CYS1: variants seen among roughly 807,000 people sequenced by gnomAD.
CYS1 encodes cystin 1.
In CYS1, 5 loss-of-function variants were observed where a neutral mutation model predicts 9.6. That is an observed-to-expected ratio of 0.52 (90% CI 0.27 to 1.10). The LOEUF (loss-of-function observed/expected upper bound fraction) is 1.10. Among genes scored for constraint, CYS1 ranks in the 50% least tolerant of loss-of-function variants. CYS1 has a pLI of 0.11. For missense variants in CYS1, 221 were observed against 207.9 expected (o/e 1.06, Z -0.39); for synonymous variants, 88 against 95.7 (o/e 0.92, Z 0.47).
At chr2:10,061,946 A>T (rs1211130320) in intron 2 of CYS1, among the ~76,000 whole-genome samples, 1 of 152,218 alleles carries the variant, frequency 6.6e-6, no homozygotes, top group Non-Finnish European at 1.5e-5. Flanking sequence ...GGAGTCAAGA[A>T]ATGAATTTTT....
intron 1 of CYS1, among the ~76,000 whole-genome samples, chr2:10,066,166 C>T (rs976382354): frequency 6.6e-6 from 1 of 152,222 alleles, no homozygotes; most frequent in Admixed American, 6.5e-5. Flanking sequence ...ACTTGGAAAG[C>T]TCACACACAG....
At chr2:10,075,582 G>T (rs960144294) in intron 1 of CYS1, among the ~76,000 whole-genome samples, 1 of 152,092 alleles carries the variant, frequency 6.6e-6, no homozygotes. Context: ...GTGCTGTCCC[G>T]CCAGGCACTC....
intron 1 of CYS1, among the ~76,000 whole-genome samples, chr2:10,078,716 G>A (rs79282583): frequency 0.099 from 15,056 of 152,070 alleles, 784 homozygotes; most frequent in Middle Eastern, 0.18. Context: ...TTCCCCCATC[G>A]AGCTGCAGAC....
chr2:10,066,048 C>T (rs1232118724), intron 1 of CYS1, 92 bp from the exon 2 acceptor site: 47 of 1,386,120 alleles, frequency 3.4e-5, no homozygotes, highest in Non-Finnish European at 4.7e-5. Flanking sequence ...CGATGGCCAC[C>T]ACTTTCAACC....
At chr2:10,078,734 A>C (rs1357400457) in intron 1 of CYS1, among the ~76,000 whole-genome samples, 1 of 152,184 alleles carries the variant, frequency 6.6e-6, no homozygotes, top group African/African-American at 2.4e-5. Context: ...GACTTCTTTA[A>C]GGCAAGGGCT....
At chr2:10,064,163 C>T (rs116670679) in intron 2 of CYS1, among the ~76,000 whole-genome samples, 3,184 of 152,002 alleles carry the variant, frequency 0.021, 122 homozygotes, top group African/African-American at 0.074. Context: ...GTGGAGACTG[C>T]GGTGAGCCGA....
chr2:10,069,575 G>A (rs578151198), intron 1 of CYS1, among the ~76,000 whole-genome samples: 2 of 152,202 alleles, frequency 1.3e-5, no homozygotes, highest in South Asian at 2.1e-4. Flanking sequence ...CACCATGTTG[G>A]CCAGGATGGT....
chr2:10,074,850 G>C (rs1661820789), intron 1 of CYS1, among the ~76,000 whole-genome samples: 1 of 152,200 alleles, frequency 6.6e-6, no homozygotes, highest in South Asian at 2.1e-4. Flanking sequence ...GGTCGCTCAT[G>C]CCTATAATCC....
intron 2 of CYS1, among the ~76,000 whole-genome samples, chr2:10,061,397 G>A (rs1000746816): frequency 1.3e-5 from 2 of 152,162 alleles, no homozygotes; most frequent in Admixed American, 1.3e-4. Context: ...AAATGGGCAC[G>A]GGACGCCCAG....
chr2:10,062,244 A>C lies in CYS1; in HGVS notation c.372-3286T>G, dbSNP rs116791912. Among the ~76,000 whole-genome samples, 970 of 152,256 alleles carry C rather than the reference A, an allele frequency of 6.4e-3. 6 individuals carry two copies. The highest frequency in any genetic ancestry group is 0.01 in the Non-Finnish European group (697 of 68,006). The stretch of plus-strand genomic sequence containing the variant: ...CTGAAAGTCACAAATTTCTTAAAAG[A>C]AAAAGACCTTTCCAAGGAAAATCAC... On this transcript the variant is annotated intron_variant, in intron 2 of 2. Transcript: ENST00000381813.
intron 1 of CYS1, among the ~76,000 whole-genome samples, chr2:10,067,016 T>C (rs936577528): frequency 4.6e-5 from 7 of 152,160 alleles, no homozygotes; most frequent in Admixed American, 2.0e-4. Context: ...CTCTTTTTAT[T>C]TTATTTATTT....
rs1661849465 is a variant in CYS1, at chr2:10,076,760, C to G, written c.318+3146G>C. On this transcript the variant is annotated intron_variant, in intron 1 of 2. Coordinates refer to ENST00000381813, the MANE Select transcript of CYS1 (RefSeq NM_001037160.3). This position sits in a 1 kb window ranked among gnomAD's most constrained non-coding sequence, Gnocchi z 4.3. ...CATACACGAAGCTCCCAGGACAGAG[C>G]CCGGTGCCCATCCATGCTTCCTAAG... 6.6e-6 allele frequency among the ~76,000 whole-genome samples: 1 copy of G among 152,166 alleles called. No homozygotes were observed. Among genetic ancestry groups the G allele is most frequent in the South Asian group, 2.1e-4 (1 of 4,824 alleles).
intron 1 of CYS1, among the ~76,000 whole-genome samples, chr2:10,074,892 ACT>A (rs1661821315): frequency 6.6e-6 from 1 of 152,206 alleles, no homozygotes; most frequent in African/African-American, 2.4e-5. Flanking sequence ...CGGATGGATC[ACT>A]TGAGGTCAGA....
chr2:10,079,988 G>T lies in CYS1; in HGVS notation c.236C>A (p.Ala79Asp), dbSNP rs935181924. The T allele has an allele frequency of 1.0e-5, 11 of 1,097,148 alleles. No homozygotes were observed. The African/African-American group carries it at 1.5e-4, about 15-fold the overall frequency. 68.0% of individuals were successfully genotyped at this position (1,097,148 alleles called of 1,614,324 possible). Residue 79 changes from alanine (A) to aspartate (D), a missense_variant, in exon 1 of 3, where the codon GCC (alanine) becomes GAC (aspartate). Coordinates refer to ENST00000381813, the MANE Select transcript of CYS1 (RefSeq NM_001037160.3). Reference protein sequence around the residue: ...ETLRLLDELLAESAAWGPPEP... With the variant: ...ETLRLLDELLDESAAWGPPEP... ...CGGGGGGCCCCAGGCCGCCGACTCG[G>T]CCAGCAGCTCGTCCAGCAGGCGCAG...
rs768133821 is a variant in CYS1, at chr2:10,058,431, G to A, written c.*422C>T. On this transcript the variant is annotated 3_prime_UTR_variant, in exon 3 of 3. Transcript: ENST00000381813. Reference sequence around the variant, plus strand: ...GGGCCCGAGACTGAGGGAGCAGCGCGGGTGCACCTTCCACAGCAGAACCTT... The same window carrying A: ...GGGCCCGAGACTGAGGGAGCAGCGCAGGTGCACCTTCCACAGCAGAACCTT... The A allele has an allele frequency of 6.1e-5, 10 of 163,312 alleles. No individual in the cohort carries two copies. Among genetic ancestry groups the A allele is most frequent in the Non-Finnish European group, 1.2e-4 (9 of 75,046 alleles). The allele number at this position is 163,312 out of a possible 1,614,324, so 10.1% of individuals were successfully genotyped here.
At chr2:10,073,892 G>A (rs1661809349) in intron 1 of CYS1, among the ~76,000 whole-genome samples, 1 of 152,182 alleles carries the variant, frequency 6.6e-6, no homozygotes, top group Non-Finnish European at 1.5e-5. Context: ...CCCTGACCGT[G>A]ATGCAACCAG....
intron 2 of CYS1, 105 bp downstream of exon 2, chr2:10,065,799 G>T (rs1661687020): frequency 1.8e-6 from 2 of 1,128,730 alleles, no homozygotes; most frequent in Non-Finnish European, 2.7e-6. Context: ...TGGAAACCTC[G>T]TGAGGACCTG....
At chr2:10,071,801 G>A (rs1380448165) in intron 1 of CYS1, among the ~76,000 whole-genome samples, 1 of 152,212 alleles carries the variant, frequency 6.6e-6, no homozygotes, top group African/African-American at 2.4e-5. Context: ...GCAGATCACT[G>A]AGACACCTGG....
At chr2:10,068,930 C>T (rs1487051913) in intron 1 of CYS1, among the ~76,000 whole-genome samples, 24 of 151,998 alleles carry the variant, frequency 1.6e-4, no homozygotes, top group Admixed American at 1.6e-3. Context: ...GGTGTGGTGG[C>T]GGGCACCTCT....
Sources: gnomAD v4.1 joint callset for allele counts (sites outside exome capture counted in the v4.1 genomes callset) on GRCh38, gnomAD v4.1.1 for gene constraint, Gnocchi (gnomAD v3.1) non-coding constraint, MANE v1.5 for transcripts, NCBI Gene and HGNC (gene_info 2026-07-23, HGNC 2026-07-21) for gene names.